Variants in PDZD4 observed in about 807,000 individuals in gnomAD.
PDZD4 encodes PDZ domain containing 4.
PDZD4 carries 9 observed loss-of-function variants against 38.5 expected under a neutral mutation model. That is an observed-to-expected ratio of 0.23 (90% CI 0.14 to 0.41). The LOEUF (loss-of-function observed/expected upper bound fraction) is 0.41. PDZD4 is among the 10% of genes least tolerant of loss of function. PDZD4 has a pLI of 1.00. For missense variants in PDZD4, 612 were observed against 722.0 expected, an observed-to-expected ratio of 0.85 and a Z score of 1.75; for synonymous variants, 349 against 315.7, an observed-to-expected ratio of 1.11 and a Z score of -1.12.
intron 7 of PDZD4, 95 bp downstream of exon 7, chrX:153,805,002 C>A: frequency 4.4e-6 from 5 of 1,124,187 alleles, no homozygotes; most frequent in Non-Finnish European, 6.1e-6. Context: ...GGTTCATTTC[C>A]CTGCCAAGCA....
intron 1 of PDZD4, among the ~76,000 whole-genome samples, chrX:153,816,062 G>A (rs1474213166): frequency 4.0e-5 from 4 of 99,205 alleles, no homozygotes; most frequent in South Asian, 1.2e-3. Context: ...GCTGCCTTCC[G>A]AGGGAGCCGG....
chrX:153,815,688 G>A (rs1260787516), intron 1 of PDZD4, among the ~76,000 whole-genome samples: 7 of 110,393 alleles, frequency 6.3e-5, no homozygotes, highest in African/African-American at 2.3e-4. Flanking sequence ...GGGGAAGGAG[G>A]AATGAAGCAC....
chrX:153,809,547 A>G (rs1557078281), intron 1 of PDZD4, among the ~76,000 whole-genome samples: 1 of 112,543 alleles, frequency 8.9e-6, no homozygotes, highest in African/African-American at 3.2e-5. Context: ...AGATCGCACC[A>G]CTGTACTCCA....
Position 153,806,370 on chromosome X carries a change from G to A in PDZD4, c.505-237C>T, listed in dbSNP as rs560923823. Among the ~76,000 whole-genome samples, 5 of 112,581 alleles carry A rather than the reference G, an allele frequency of 4.4e-5. No homozygotes were observed. In the South Asian group the frequency reaches 1.8e-3, roughly 41 times the overall value. On this transcript the variant is annotated intron_variant, in intron 4 of 7. Transcript: ENST00000393758. ...TGCTTTTGGTCAGCCCCGGGCATTG[G>A]TGGGAAGTAGGACATTGTCCATCTG... is the stretch of plus-strand genomic sequence containing the variant.
Position 153,803,564 on chromosome X carries a change from T to C in PDZD4, c.2117A>G (p.Gln706Arg), listed in dbSNP as rs1173216963. Residue 706 changes from glutamine (Q) to arginine (R), a missense_variant, in exon 8 of 8, where the codon CAG becomes CGG. Gln to Arg is a conservative substitution (Grantham distance 43). Transcript: ENST00000393758. The stretch of plus-strand genomic sequence containing the variant: ...CTCCCGCAGGCACTCCAGCCGGCTC[T>C]GCATCATGAACTCGCGCCGCTTCCG... ...EQRKRREFMM[Q>R]SRLECLREQQ... 2 of 1,209,132 alleles carry C rather than the reference T, an allele frequency of 1.7e-6. No individual in the cohort carries two copies. The highest frequency in any genetic ancestry group is 2.2e-6 in the Non-Finnish European group (2 of 894,927).
At chrX:153,806,449 C>T (rs2064250570) in intron 4 of PDZD4, among the ~76,000 whole-genome samples, 1 of 112,640 alleles carries the variant, frequency 8.9e-6, no homozygotes, top group Admixed American at 9.3e-5. Flanking sequence ...AGGGGCCATC[C>T]CCCTCCTGGG....
At chrX:153,828,776 G>A (rs1331828919) in intron 1 of PDZD4, among the ~76,000 whole-genome samples, 2 of 112,060 alleles carry the variant, frequency 1.8e-5, no homozygotes, top group African/African-American at 6.5e-5. Flanking sequence ...ATCGCTTGCC[G>A]TTTGATGGAA....
At chrX:153,809,037 ATC>A (rs782353092) in intron 1 of PDZD4, among the ~76,000 whole-genome samples, 5 of 112,942 alleles carry the variant, frequency 4.4e-5, no homozygotes, top group African/African-American at 1.6e-4. Context: ...CTCAGTGAGC[ATC>A]TGTGTTGTGC....
chrX:153,803,595 C>T lies in PDZD4; in HGVS notation c.2086G>A (p.Glu696Lys). The T allele has an allele frequency of 8.3e-7, 1 of 1,210,403 alleles. No individual in the cohort carries two copies. Among genetic ancestry groups the T allele is most frequent in the Non-Finnish European group, 1.1e-6 (1 of 895,577 alleles). The change falls in exon 8 of 8, where the codon GAG becomes AAG. Residue 696 changes from glutamate to lysine, a missense_variant. Glu to Lys is a moderately conservative substitution (Grantham distance 56). Around this residue, in one of 3 missense-constraint regions of PDZD4, gnomAD observed 87 missense variants for 126.3 expected, o/e 0.69. Coordinates refer to ENST00000393758, the MANE Select transcript of PDZD4 (RefSeq NM_001303512.2). The stretch of plus-strand genomic sequence containing the variant: ...ATGAACTCGCGCCGCTTCCGCTGCT[C>T]ACGGGCCCGGATCAGGTGCTGCTTC... ...ERKQHLIRAR[E>K]QRKRREFMMQ...
chrX:153,802,947 C>T lies in PDZD4; in HGVS notation c.*406G>A, dbSNP rs2092182142. ...GGCCGCGCTCAGCAGCGAAGCCGGA[C>T]ACTCTCTTGTGCTCCTTTCAGCTCA... On this transcript the variant is annotated 3_prime_UTR_variant, in exon 8 of 8. Coordinates refer to ENST00000393758, the MANE Select transcript of PDZD4 (RefSeq NM_001303512.2). 1 of 134,316 alleles carries T rather than the reference C, an allele frequency of 7.4e-6. No individual in the cohort carries two copies. Among genetic ancestry groups the T allele is most frequent in the Admixed American group, 8.8e-5 (1 of 11,385 alleles). The allele number at this position is 134,316 out of a possible 1,213,427, so 11.1% of individuals were successfully genotyped here. A position where few individuals can be genotyped will look rare whatever the true frequency, so the allele number is the denominator to read the frequency against.
intron 1 of PDZD4, among the ~76,000 whole-genome samples, chrX:153,814,489 C>CG (rs1406041530): frequency 1.2e-5 from 1 of 85,414 alleles, no homozygotes; most frequent in South Asian, 9.1e-4. Flanking sequence ...CACCCCCCCC[C>CG]CAAAAAAAAG....
At chrX:153,818,324 G>A (rs1318598607) in intron 1 of PDZD4, among the ~76,000 whole-genome samples, 4 of 110,956 alleles carry the variant, frequency 3.6e-5, no homozygotes, top group African/African-American at 1.3e-4. Flanking sequence ...GAGGTAGGGG[G>A]CAGGCGGTAG....
At chrX:153,823,110 G>A (rs2064443519) in intron 1 of PDZD4, among the ~76,000 whole-genome samples, 1 of 109,968 alleles carries the variant, frequency 9.1e-6, no homozygotes, top group South Asian at 3.9e-4. Context: ...CTAGGCTGGA[G>A]TGCAGTGGCT....
chrX:153,809,870 G>T (rs1453003791), intron 1 of PDZD4, among the ~76,000 whole-genome samples: 1 of 113,052 alleles, frequency 8.8e-6, no homozygotes, highest in Non-Finnish European at 1.9e-5. Flanking sequence ...AAGCAGCTCT[G>T]CGGGATGCTG....
intron 1 of PDZD4, among the ~76,000 whole-genome samples, chrX:153,828,414 C>G (rs1727157272): frequency 8.8e-6 from 1 of 113,131 alleles, no homozygotes; most frequent in African/African-American, 3.2e-5. Context: ...AAAGGGAGCC[C>G]AGCAGGAAAG....
chrX:153,819,016 C>T (rs2064391765), intron 1 of PDZD4, among the ~76,000 whole-genome samples: 1 of 112,516 alleles, frequency 8.9e-6, no homozygotes, highest in Middle Eastern at 4.6e-3. Flanking sequence ...CCTTAGGGGA[C>T]GCGGGAAGCG....
rs1297328177 is a variant in PDZD4, at chrX:153,812,932, C to T, written c.61-4337G>A. On this transcript the variant is annotated intron_variant, in intron 1 of 7. Coordinates refer to ENST00000393758, the MANE Select transcript of PDZD4 (RefSeq NM_001303512.2). Reference sequence around the variant, plus strand: ...GTCTCTAAAAGGCACAAACACTCAACATGGCCAACCCCAGGCTTGCTTCCC... The same window carrying T: ...GTCTCTAAAAGGCACAAACACTCAATATGGCCAACCCCAGGCTTGCTTCCC... Among the ~76,000 whole-genome samples the T allele has an allele frequency of 3.7e-5, 4 of 109,304 alleles. No homozygotes were observed. In the South Asian group the frequency reaches 1.2e-3, roughly 34 times the overall value. 94.9% of individuals were successfully genotyped at this position (109,304 alleles called of 115,157 possible). A position where few individuals can be genotyped will look rare whatever the true frequency, so the allele number is the denominator to read the frequency against.
rs1389277115 is a variant in PDZD4 at position 153,808,935 on chromosome X, G to A, written c.61-340C>T. On this transcript the variant is annotated intron_variant, in intron 1 of 7. Transcript: ENST00000393758. Reference sequence around the variant, plus strand: ...AGCTCTCCTGGCCTCTCCCCATCCGGACCCACTTCTTTCTAGGGCGGCACT... The same window carrying A: ...AGCTCTCCTGGCCTCTCCCCATCCGAACCCACTTCTTTCTAGGGCGGCACT... Among the ~76,000 whole-genome samples, 3 of 112,846 alleles carry A rather than the reference G, an allele frequency of 2.7e-5. No individual in the cohort carries two copies. In the Admixed American group the frequency reaches 2.8e-4, roughly 10 times the overall value.
At chrX:153,830,095 C>T in intron 1 of PDZD4, 144 bp downstream of exon 1, 1 of 597,684 alleles carries the variant, frequency 1.7e-6, no homozygotes, top group Non-Finnish European at 2.4e-6. Flanking sequence ...ACCCAACAGC[C>T]CCAGGATGGG....
Sources: gnomAD v4.1 joint callset for allele counts (sites outside exome capture counted in the v4.1 genomes callset) on GRCh38, gnomAD v4.1.1 for gene constraint, gnomAD v4.1.1 regional missense constraint, MANE v1.5 for transcripts, NCBI Gene and HGNC (gene_info 2026-07-23, HGNC 2026-07-21) for gene names.